The following COL26A1 variants were observed in gnomAD, a reference collection of about 807,000 sequenced individuals.
The protein encoded by COL26A1 is collagen type XXVI alpha 1 chain, also known as collagen alpha-1(XXVI) chain.
A neutral mutation model predicts 59.3 loss-of-function variants in COL26A1; 41 were observed. The ratio of observed to expected loss-of-function variants is 0.69; its 90% CI spans 0.54 to 0.90. COL26A1 has a LOEUF of 0.90. Among genes scored for constraint, COL26A1 ranks in the 40% least tolerant of loss-of-function variants. The pLI is 0.00. For missense variants in COL26A1, 612 were observed against 602.3 expected, an observed-to-expected ratio of 1.02 and a Z score of -0.17; for synonymous variants, 266 against 256.0, an observed-to-expected ratio of 1.04 and a Z score of -0.37.
At chr7:101,489,699 G>GTCTTTCTTTCTTTCTTTT (rs1554421183) in intron 3 of COL26A1, among the ~76,000 whole-genome samples, 1 of 49,132 alleles carries the variant, frequency 2.0e-5, no homozygotes, top group Non-Finnish European at 3.5e-5. Context: ...CTTTCTTTCT[G>GTCTTTCTTTCTTTCTTTT]TCTTTCTTTC....
intron 1 of COL26A1, among the ~76,000 whole-genome samples, chr7:101,374,618 G>A (rs977725295): frequency 7.2e-5 from 11 of 152,188 alleles, no homozygotes; most frequent in Non-Finnish European, 1.6e-4. Flanking sequence ...AGAATCTGAT[G>A]TCTGATGATC....
intron 3 of COL26A1, among the ~76,000 whole-genome samples, chr7:101,484,840 TTTAATTAA>T (rs138487721): frequency 1.4e-5 from 2 of 147,226 alleles, no homozygotes; most frequent in Non-Finnish European, 3.0e-5. Flanking sequence ...TTTTTGTATT[TTTAATTAA>T]TTAATTAATT....
chr7:101,401,659 G>A (rs372015842), intron 1 of COL26A1, among the ~76,000 whole-genome samples: 68 of 54,094 alleles, frequency 1.3e-3, no homozygotes, highest in Middle Eastern at 0.02. Context: ...AGGTGGAGGA[G>A]GAAGAGGAGG....
intron 4 of COL26A1, among the ~76,000 whole-genome samples, chr7:101,538,747 A>G (rs1344500341): frequency 6.6e-6 from 1 of 151,498 alleles, no homozygotes; most frequent in African/African-American, 2.4e-5. Flanking sequence ...CCCTGGAGAC[A>G]CCCCTGCTGG....
intron 3 of COL26A1, among the ~76,000 whole-genome samples, chr7:101,471,199 G>A (rs1036158916): frequency 3.9e-5 from 6 of 152,116 alleles, no homozygotes; most frequent in Non-Finnish European, 7.3e-5. Context: ...CAGCCCCCAC[G>A]TGCCATAATA....
intron 1 of COL26A1, among the ~76,000 whole-genome samples, chr7:101,375,445 C>T (rs1791292334): frequency 6.6e-6 from 1 of 152,078 alleles, no homozygotes; most frequent in African/African-American, 2.4e-5. Flanking sequence ...CCTATAATCC[C>T]AGCACTTTGG....
intron 2 of COL26A1, among the ~76,000 whole-genome samples, chr7:101,423,119 G>A (rs1462555114): frequency 2.8e-4 from 43 of 152,200 alleles, no homozygotes; most frequent in Non-Finnish European, 5.9e-5. Flanking sequence ...ACGAAAATTA[G>A]CCAGGTGTGG....
At chr7:101,391,597 C>T (rs1791730005) in intron 1 of COL26A1, among the ~76,000 whole-genome samples, 1 of 152,194 alleles carries the variant, frequency 6.6e-6, no homozygotes, top group East Asian at 1.9e-4. Context: ...TCTCACTCTT[C>T]TGCCCAGGCT....
At chr7:101,474,519 A>C (rs191434245) in intron 3 of COL26A1, among the ~76,000 whole-genome samples, 16 of 152,076 alleles carry the variant, frequency 1.1e-4, no homozygotes, top group Admixed American at 1.0e-3. Context: ...TTGAGCCCAG[A>C]AGTTTGAAGC....
chr7:101,457,186 A>T (rs548542166), intron 3 of COL26A1, among the ~76,000 whole-genome samples: 4 of 152,144 alleles, frequency 2.6e-5, no homozygotes, highest in Admixed American at 1.3e-4. Context: ...GTGCAAGGCT[A>T]CAGGACTGGT....
chr7:101,378,007 G>C (rs140583661), intron 1 of COL26A1, among the ~76,000 whole-genome samples: 1 of 152,190 alleles, frequency 6.6e-6, no homozygotes, highest in Non-Finnish European at 1.5e-5. Context: ...TCGGACTCAG[G>C]TGATCCTCGT....
At chr7:101,548,939 C>T (rs1055682014) in intron 8 of COL26A1, among the ~76,000 whole-genome samples, 5 of 152,096 alleles carry the variant, frequency 3.3e-5, no homozygotes, top group African/African-American at 4.8e-5. Context: ...GCGTCGTGGA[C>T]GAGGCCCTGG....
intron 1 of COL26A1, among the ~76,000 whole-genome samples, chr7:101,367,893 C>T (rs1334969374): frequency 6.6e-6 from 1 of 152,148 alleles, no homozygotes; most frequent in Non-Finnish European, 1.5e-5. Context: ...GTTACGGCAA[C>T]CTTGAGCTGA....
intron 3 of COL26A1, among the ~76,000 whole-genome samples, chr7:101,471,567 G>GTTGTTTTTTTTTTTTTTTTT (rs1485332913): frequency 8.9e-6 from 1 of 112,386 alleles, no homozygotes; most frequent in African/African-American, 3.5e-5. Flanking sequence ...TGTTGTTGTT[G>GTTGTTTTTTTTTTTTTTTTT]TTTGTTTTTT....
At chr7:101,534,665 A>G (rs1237951337) in intron 4 of COL26A1, among the ~76,000 whole-genome samples, 1 of 139,936 alleles carries the variant, frequency 7.1e-6, no homozygotes, top group African/African-American at 2.9e-5. Flanking sequence ...ACACACACAC[A>G]CACACACACA....
chr7:101,531,869 TG>T (rs1254537720), intron 3 of COL26A1, among the ~76,000 whole-genome samples: 2 of 151,962 alleles, frequency 1.3e-5, no homozygotes, highest in Non-Finnish European at 2.9e-5. Flanking sequence ...AGGCTGACAG[TG>T]TCGGGGGGCC....
At chr7:101,455,130 C>T (rs931958153) in intron 3 of COL26A1, among the ~76,000 whole-genome samples, 1 of 151,358 alleles carries the variant, frequency 6.6e-6, no homozygotes, top group African/African-American at 2.4e-5. Context: ...GCAACCTCCG[C>T]CTCCCAGGCC....
chr7:101,367,090 C>A (rs537014110), intron 1 of COL26A1, among the ~76,000 whole-genome samples: 1 of 152,266 alleles, frequency 6.6e-6, no homozygotes, highest in South Asian at 2.1e-4. Flanking sequence ...TCCTCTGCCC[C>A]CTGTATCTCT....
chr7:101,390,629 T>C (rs1298665900), intron 1 of COL26A1, among the ~76,000 whole-genome samples: 1 of 152,110 alleles, frequency 6.6e-6, no homozygotes, highest in Admixed American at 6.6e-5. Context: ...CTTGCTATAT[T>C]GTCCAGGCTG....
Sources: allele counts gnomAD v4.1 joint callset (sites outside exome capture counted in the v4.1 genomes callset), GRCh38; gene constraint gnomAD v4.1.1; transcripts MANE v1.5; gene names NCBI Gene and HGNC (gene_info 2026-07-23, HGNC 2026-07-21).